Variants in LRP2 observed in about 807,000 individuals in gnomAD.
LRP2 encodes LDL receptor related protein 2.
In LRP2, 172 loss-of-function variants were observed where a neutral mutation model predicts 531.0. The ratio of observed to expected loss-of-function variants is 0.32; its 90% CI spans 0.29 to 0.37. LRP2 has a LOEUF of 0.37. Ranked by LOEUF, LRP2 falls within the 10% of genes least tolerant of loss-of-function variation. The pLI is 1.00. For synonymous variants in LRP2, 1,992 were observed against 2,027.6 expected (o/e 0.98, Z 0.47); for missense variants, 5,167 against 5,868.3 (o/e 0.88, Z 3.90).
chr2:169,330,658 G>A (rs1685240282), intron 1 of LRP2, among the ~76,000 whole-genome samples: 2 of 152,080 alleles, frequency 1.3e-5, no homozygotes, highest in Admixed American at 6.5e-5. Flanking sequence ...AAAGCAGTAT[G>A]TACATCATCC....
chr2:169,215,528 T>C (rs114206047), intron 35 of LRP2, among the ~76,000 whole-genome samples: 2,768 of 152,076 alleles, frequency 0.018, 84 homozygotes, highest in African/African-American at 0.061. Context: ...CATGTTAAAA[T>C]ATTAGAGAAG....
At chr2:169,332,193 T>C (rs927804146) in intron 1 of LRP2, among the ~76,000 whole-genome samples, 2 of 152,174 alleles carry the variant, frequency 1.3e-5, no homozygotes, top group Non-Finnish European at 2.9e-5. Context: ...AGAGAAGAAA[T>C]TGACTCTCAA....
At chr2:169,190,351 C>T (rs1338253286) in intron 48 of LRP2, among the ~76,000 whole-genome samples, 1 of 152,230 alleles carries the variant, frequency 6.6e-6, no homozygotes, top group African/African-American at 2.4e-5. Context: ...CACCTCTCAG[C>T]AATGTCCACT....
intron 35 of LRP2, among the ~76,000 whole-genome samples, chr2:169,215,347 A>G (rs1688741758): frequency 6.6e-6 from 1 of 152,158 alleles, no homozygotes; most frequent in Non-Finnish European, 1.5e-5. Context: ...TGCTTCATCA[A>G]TAATTATTAT....
chr2:169,238,274 T>A lies in LRP2; in HGVS notation c.4323A>T (p.Ala1441=). ...TGTCGGCAATAATTTTGTTCTGACT[T>A]GCCACAAGTAACAGCAGACTCTCAG... The part of the protein sequence containing the change: ...TASESLLLLV[A]SQNKIIADSV... Residue 1441 remains alanine, a synonymous_variant, in exon 27 of 79, where the codon GCA becomes GCT. Transcript: ENST00000649046. 2.5e-6 allele frequency: 4 copies of A among 1,614,080 alleles called. No individual in the cohort carries two copies. Among genetic ancestry groups the A allele is most frequent in the Middle Eastern group, 3.3e-4 (2 of 6,062 alleles).
At chr2:169,222,343 A>T (rs1484197413) in intron 33 of LRP2, among the ~76,000 whole-genome samples, 1 of 152,186 alleles carries the variant, frequency 6.6e-6, no homozygotes, top group Non-Finnish European at 1.5e-5. Context: ...CACTGTACAG[A>T]TGAGAAAACA....
chr2:169,285,724 G>C (rs1436222015), intron 9 of LRP2, among the ~76,000 whole-genome samples: 1 of 152,088 alleles, frequency 6.6e-6, no homozygotes. Context: ...TCAACAAACA[G>C]CATGTCCTGT....
chr2:169,240,542 G>A (rs1252504083), intron 25 of LRP2, among the ~76,000 whole-genome samples: 1 of 152,192 alleles, frequency 6.6e-6, no homozygotes, highest in African/African-American at 2.4e-5. Flanking sequence ...ATTGATTAAA[G>A]AGGAAAGAAA....
At chr2:169,264,481 C>T (rs114307484) in intron 16 of LRP2, among the ~76,000 whole-genome samples, 2,196 of 152,040 alleles carry the variant, frequency 0.014, 45 homozygotes, top group African/African-American at 0.05. Context: ...ATTCTAAGTC[C>T]TCAAAAAAGA....
intron 4 of LRP2, among the ~76,000 whole-genome samples, chr2:169,297,771 G>C (rs1030682915): frequency 1.3e-5 from 2 of 152,098 alleles, no homozygotes; most frequent in African/African-American, 4.8e-5. Context: ...TGAAGATCTT[G>C]TAGACCTCTT....
chr2:169,320,847 A>G lies in LRP2; in HGVS notation c.117T>C (p.His39=). 6.2e-7 allele frequency: 1 copy of G among 1,614,158 alleles called. No individual in the cohort carries two copies. The highest frequency in any genetic ancestry group is 1.1e-5 in the South Asian group (1 of 91,074). Residue 39 remains histidine (H), a synonymous_variant, in exon 2 of 79, where the codon CAT becomes CAC. Transcript: ENST00000649046. ...DSAHFRCGSG[H]CIPADWRCDG... ...CACACCTCCAGTCTGCAGGGATGCA[A>G]TGCCCACTTCCACAGCGAAAATGCG...
intron 7 of LRP2, 81 bp from the exon 8 acceptor site, chr2:169,291,078 G>T: frequency 7.9e-7 from 1 of 1,271,988 alleles, no homozygotes; most frequent in Non-Finnish European, 1.1e-6. Context: ...TACAGAGGAT[G>T]TAGAGCAAGT....
intron 38 of LRP2, 113 bp downstream of exon 38, chr2:169,209,340 A>T: frequency 1.1e-6 from 1 of 947,994 alleles, no homozygotes; most frequent in Non-Finnish European, 1.7e-6. Context: ...AAATGGTCTT[A>T]ATAATTGTCT....
chr2:169,142,917 A>C, intron 70 of LRP2, 124 bp from the exon 71 acceptor site: 1 of 1,027,276 alleles, frequency 9.7e-7, no homozygotes, highest in Non-Finnish European at 1.5e-6. Flanking sequence ...CCTCTCGTCC[A>C]CGTGTCAGCT....
intron 1 of LRP2, among the ~76,000 whole-genome samples, chr2:169,331,728 A>G (rs965482659): frequency 6.6e-6 from 1 of 152,218 alleles, no homozygotes; most frequent in African/African-American, 2.4e-5. Context: ...TACAAGAATA[A>G]CATGCCCTTC....
chr2:169,193,037 C>T (rs1004591419), intron 47 of LRP2, among the ~76,000 whole-genome samples: 2 of 152,166 alleles, frequency 1.3e-5, no homozygotes, highest in Admixed American at 1.3e-4. Context: ...GTTCCATTAT[C>T]TACTCAAGAG....
At chr2:169,216,502 G>T in intron 34 of LRP2, 72 bp from the exon 35 acceptor site, 1 of 1,425,850 alleles carries the variant, frequency 7.0e-7, no homozygotes, top group Non-Finnish European at 9.9e-7. Context: ...AAATGACAAT[G>T]TGTATTACTT....
At chr2:169,182,018 A>G in intron 51 of LRP2, 149 bp downstream of exon 51, 1 of 968,208 alleles carries the variant, frequency 1.0e-6, no homozygotes, top group Non-Finnish European at 1.6e-6. Context: ...GCTTCTACTC[A>G]TTACACTAAA....
At chr2:169,154,411 T>G (rs1468241143) in intron 66 of LRP2, 49 bp downstream of exon 66, 7 of 1,557,692 alleles carry the variant, frequency 4.5e-6, no homozygotes, top group Non-Finnish European at 4.4e-6. Context: ...ACCTTAAAAT[T>G]CTATAAAGTC....
Sources: gnomAD v4.1 joint callset for allele counts (sites outside exome capture counted in the v4.1 genomes callset) on GRCh38, gnomAD v4.1.1 for gene constraint, MANE v1.5 for transcripts, NCBI Gene and HGNC (gene_info 2026-07-23, HGNC 2026-07-21) for gene names.